The following FGF12 variants were observed in gnomAD, a reference collection of about 807,000 sequenced individuals.
FGF12 encodes fibroblast growth factor 12, also known as fibroblast growth factor 12B.
FGF12 carries 14 observed loss-of-function variants against 23.6 expected under a neutral mutation model. That is an observed-to-expected ratio of 0.59 (90% CI 0.39 to 0.93). The LOEUF (loss-of-function observed/expected upper bound fraction) is 0.93. Among genes scored for constraint, FGF12 ranks in the 40% least tolerant of loss-of-function variants. FGF12 has a pLI of 0.00. For missense variants in FGF12, 175 were observed against 217.8 expected (o/e 0.80, Z 1.24); for synonymous variants, 62 against 77.3 (o/e 0.80, Z 1.04).
intron 5 of FGF12, among the ~76,000 whole-genome samples, chr3:192,154,817 C>A (rs1347311812): frequency 8.2e-5 from 12 of 146,970 alleles, no homozygotes; most frequent in Admixed American, 6.1e-4. Context: ...GCAGGCAGGC[C>A]TCCTTGAGCT....
At chr3:192,620,015 C>A (rs540023517) in intron 2 of FGF12, among the ~76,000 whole-genome samples, 1 of 152,174 alleles carries the variant, frequency 6.6e-6, no homozygotes, top group African/African-American at 2.4e-5. Context: ...GACCGGGATA[C>A]CCTGTGGTCA....
chr3:192,351,323 G>T (rs947279587), intron 3 of FGF12, among the ~76,000 whole-genome samples: 2 of 152,178 alleles, frequency 1.3e-5, no homozygotes, highest in Non-Finnish European at 2.9e-5. Flanking sequence ...CAGAAAGTTT[G>T]TGGGACTTAA....
At chr3:192,221,516 C>T (rs1218031060) in intron 4 of FGF12, among the ~76,000 whole-genome samples, 1 of 152,110 alleles carries the variant, frequency 6.6e-6, no homozygotes, top group Non-Finnish European at 1.5e-5. Context: ...TAATAAACAC[C>T]AGTGGTGCTG....
chr3:192,695,905 C>T (rs1403482517), intron 2 of FGF12, among the ~76,000 whole-genome samples: 2 of 152,084 alleles, frequency 1.3e-5, no homozygotes, highest in Non-Finnish European at 2.9e-5. Flanking sequence ...TCAAGACCAG[C>T]CTGGCCAACA....
rs966275010 is a variant in FGF12, at chr3:192,322,673, T to C, written c.228+12688A>G. Among the ~76,000 whole-genome samples the C allele has an allele frequency of 1.3e-4, 20 of 152,132 alleles. 1 individual carries two copies. Among genetic ancestry groups the C allele is most frequent in the South Asian group, 1.2e-3 (6 of 4,816 alleles). ...CATGCAGACCAATGTATGAACAGAA[T>C]AGAGAACCCAGAAATAAATTCGTAC... On this transcript the variant is annotated intron_variant, in intron 4 of 5. Coordinates refer to ENST00000445105, the MANE Select transcript of FGF12 (RefSeq NM_004113.6).
intron 4 of FGF12, among the ~76,000 whole-genome samples, chr3:192,209,172 A>T (rs938257933): frequency 4.6e-5 from 7 of 152,182 alleles, no homozygotes; most frequent in African/African-American, 1.7e-4. Flanking sequence ...AAATGAGTTG[A>T]TTTGGCTTAG....
In FGF12 at chr3:192,296,924, T is replaced by C. The variant is rs537677667; in HGVS notation, c.228+38437A>G. On this transcript the variant is annotated intron_variant, in intron 4 of 5. Transcript: ENST00000445105. ...CATTTTAGCCCAAACCCAGGGAAGA[T>C]AGGCTTACATGCAAGTTTACAAAAG... is the stretch of plus-strand genomic sequence containing the variant. Among the ~76,000 whole-genome samples the C allele has an allele frequency of 1.1e-4, 16 of 152,308 alleles. No individual in the cohort carries two copies. The South Asian group carries it at 2.9e-3, about 28-fold the overall frequency.
chr3:192,673,442 A>G (rs1717206355), intron 2 of FGF12, among the ~76,000 whole-genome samples: 1 of 151,094 alleles, frequency 6.6e-6, no homozygotes, highest in African/African-American at 2.4e-5. Context: ...TTGGTTACAT[A>G]GGTAAACGTA....
chr3:192,309,698 A>G (rs1715837157), intron 4 of FGF12, among the ~76,000 whole-genome samples: 1 of 152,202 alleles, frequency 6.6e-6, no homozygotes, highest in African/African-American at 2.4e-5. Context: ...GATGACAGAG[A>G]GACATGAGCA....
chr3:192,170,331 T>C (rs1715482861), intron 5 of FGF12, 127 bp downstream of exon 5: 2 of 723,884 alleles, frequency 2.8e-6, no homozygotes, highest in African/African-American at 3.6e-5. Flanking sequence ...TCTCTGAATA[T>C]TTCTTTTGAA....
intron 4 of FGF12, among the ~76,000 whole-genome samples, chr3:192,197,438 G>C (rs1171242781): frequency 2.0e-5 from 3 of 152,098 alleles, no homozygotes; most frequent in Non-Finnish European, 4.4e-5. Flanking sequence ...CTGCAGTGTT[G>C]TGTTGTTATA....
intron 4 of FGF12, among the ~76,000 whole-genome samples, chr3:192,311,676 T>C (rs73066554): frequency 0.019 from 2,892 of 152,280 alleles, 96 homozygotes; most frequent in African/African-American, 0.066. Flanking sequence ...CGTGGAACTG[T>C]TGGGTCATAT....
intron 2 of FGF12, among the ~76,000 whole-genome samples, chr3:192,665,716 T>C (rs959965331): frequency 5.3e-5 from 8 of 152,066 alleles, no homozygotes; most frequent in African/African-American, 1.9e-4. Flanking sequence ...GGCACATGTA[T>C]ACAAACCACA....
intron 2 of FGF12, among the ~76,000 whole-genome samples, chr3:192,388,250 C>T (rs1315364984): frequency 3.9e-5 from 6 of 152,002 alleles, no homozygotes; most frequent in Non-Finnish European, 7.4e-5. Flanking sequence ...GGCAACAAAG[C>T]AAGACCCTAT....
chr3:192,178,397 C>T (rs1460929), intron 4 of FGF12, among the ~76,000 whole-genome samples: 150,266 of 152,314 alleles, frequency 0.99, 74,125 homozygotes, highest in Middle Eastern at 1. Flanking sequence ...TGACTAATGA[C>T]TCTCCATATG....
intron 2 of FGF12, among the ~76,000 whole-genome samples, chr3:192,599,049 G>A (rs1369953176): frequency 1.3e-5 from 2 of 151,986 alleles, no homozygotes. Context: ...ACTCTAAGTG[G>A]GAGTTGAACA....
intron 2 of FGF12, among the ~76,000 whole-genome samples, chr3:192,563,099 T>C (rs1224798389): frequency 2.6e-5 from 4 of 152,200 alleles, no homozygotes; most frequent in Non-Finnish European, 5.9e-5. Context: ...GAAAGAAGAT[T>C]AGACTTTTTT....
At position 192,596,816 on chromosome 3, in the gene FGF12, A is replaced by T. The variant is rs185448887; in HGVS notation, c.13+130365T>A. On this transcript the variant is annotated intron_variant, in intron 2 of 5. Coordinates refer to ENST00000445105, the MANE Select transcript of FGF12 (RefSeq NM_004113.6). ...GCAGTGAATACTTTGAGTGAGATTT[A>T]AAAAATAGACTCTATTCCACCCAAT... Among the ~76,000 whole-genome samples the T allele has an allele frequency of 3.5e-4, 53 of 152,334 alleles. 1 individual carries two copies. Among genetic ancestry groups the T allele is most frequent in the Admixed American group, 2.9e-3 (44 of 15,292 alleles).
At chr3:192,350,435 A>T (rs987262260) in intron 3 of FGF12, among the ~76,000 whole-genome samples, 11 of 152,202 alleles carry the variant, frequency 7.2e-5, no homozygotes, top group African/African-American at 1.4e-4. Context: ...GATAGTGGTA[A>T]GGGTTCTAAA....
Sources: gnomAD v4.1 joint callset for allele counts (sites outside exome capture counted in the v4.1 genomes callset) on GRCh38, gnomAD v4.1.1 for gene constraint, MANE v1.5 for transcripts, NCBI Gene and HGNC (gene_info 2026-07-23, HGNC 2026-07-21) for gene names.